ADCY5: variants seen among roughly 807,000 people sequenced by gnomAD.
ADCY5 encodes adenylate cyclase 5.
ADCY5 carries 30 observed loss-of-function variants against 119.7 expected under a neutral mutation model. That is an observed-to-expected ratio of 0.25 (90% CI 0.19 to 0.34). The LOEUF is 0.34. Among genes scored for constraint, ADCY5 ranks in the 10% least tolerant of loss-of-function variants. The probability of loss-of-function intolerance (pLI) is 1.00; values close to 1 mark genes in which losing one functional copy is unlikely to be tolerated. For synonymous variants in ADCY5, 753 were observed against 762.2 expected (o/e 0.99, Z 0.20); for missense variants, 1,324 against 1,775.2 (o/e 0.75, Z 4.57).
intron 1 of ADCY5, among the ~76,000 whole-genome samples, chr3:123,431,304 T>C (rs1945517150): frequency 6.6e-6 from 1 of 152,162 alleles, no homozygotes; most frequent in Non-Finnish European, 1.5e-5. Flanking sequence ...TACTCAACAG[T>C]GAAATATCAT....
rs1938557099 is a variant in ADCY5, at chr3:123,283,950, T to TTTTA, written c.*654_*657dup. Reference sequence around the variant, plus strand: ...AGAAGGGCACGGAGAACTTGTTTTGTTTTATTTAATAAATATTTTTCTCAG... The same window carrying TTTTA: ...AGAAGGGCACGGAGAACTTGTTTTGTTTTATTTATTTAATAAATATTTTTCTCAG... On this transcript the variant is annotated 3_prime_UTR_variant, in exon 21 of 21. Coordinates refer to ENST00000462833, the MANE Select transcript of ADCY5 (RefSeq NM_183357.3). 6.6e-6 allele frequency: 1 copy of TTTTA among 152,014 alleles called. No homozygotes were observed. The highest frequency in any genetic ancestry group is 1.5e-5 in the Non-Finnish European group (1 of 68,078). The allele number at this position is 152,014 out of a possible 1,614,324, so 9.4% of individuals were successfully genotyped here. A position where few individuals can be genotyped will look rare whatever the true frequency, so the allele number is the denominator to read the frequency against.
intron 1 of ADCY5, among the ~76,000 whole-genome samples, chr3:123,421,624 C>T (rs1945304879): frequency 6.6e-6 from 1 of 152,074 alleles, no homozygotes. Flanking sequence ...TAGGCAATGA[C>T]TGGGTGGGAG....
intron 1 of ADCY5, among the ~76,000 whole-genome samples, chr3:123,367,464 A>C (rs1420662089): frequency 2.0e-5 from 3 of 152,174 alleles, no homozygotes; most frequent in African/African-American, 4.8e-5. Flanking sequence ...TTTATCCTCC[A>C]AGTGCAATCA....
chr3:123,361,353 C>T (rs963797155), intron 1 of ADCY5, among the ~76,000 whole-genome samples: 1 of 152,140 alleles, frequency 6.6e-6, no homozygotes, highest in Non-Finnish European at 1.5e-5. Context: ...CCATAAAATG[C>T]ACTCCTTTAA....
At chr3:123,375,903 G>A (rs1391735390) in intron 1 of ADCY5, among the ~76,000 whole-genome samples, 1 of 152,128 alleles carries the variant, frequency 6.6e-6, no homozygotes, top group Non-Finnish European at 1.5e-5. Flanking sequence ...GCACTGTGAG[G>A]AAGGCAGCCC....
In ADCY5 at chr3:123,289,946, G is replaced by A. The variant is rs141922371; in HGVS notation, c.3336C>T (p.Ser1112=). 4.6e-4 allele frequency: 743 copies of A among 1,613,932 alleles called. 1 individual carries two copies. The highest frequency in any genetic ancestry group is 4.7e-4 in the African/African-American group (35 of 74,916). The change falls in exon 19 of 21, where the codon AGC becomes AGT. Residue 1112 remains serine, a synonymous_variant. Coordinates refer to ENST00000462833, the MANE Select transcript of ADCY5 (RefSeq NM_183357.3). The part of the protein sequence containing the change: ...EIIADFDEII[S]EDRFRQLEKI... ...TCTCCAGCTGCCGGAACCGATCCTCGCTGATGATCTGGATGAAGGAGGCCA... is the reference window on the plus strand; with the variant it reads ...TCTCCAGCTGCCGGAACCGATCCTCACTGATGATCTGGATGAAGGAGGCCA...
Position 123,352,733 on chromosome 3 carries a change from G to A in ADCY5, c.1135-152C>T. ...CACACGCGGCCAACCACTGTGAGCA[G>A]CCGAGCATAATCGATCGGGCTCTCT... On this transcript the variant is annotated intron_variant, in intron 1 of 20. Transcript: ENST00000462833. The surrounding 1 kb of genome is among the most constrained non-coding windows in gnomAD (Gnocchi z 4.8). 2 of 909,970 alleles carry A rather than the reference G, an allele frequency of 2.2e-6. No homozygotes were observed. The highest frequency in any genetic ancestry group is 3.7e-5 in the South Asian group (2 of 53,970). The allele number at this position is 909,970 out of a possible 1,614,324, so 56.4% of individuals were successfully genotyped here. A position where few individuals can be genotyped will look rare whatever the true frequency, so the allele number is the denominator to read the frequency against.
intron 3 of ADCY5, among the ~76,000 whole-genome samples, chr3:123,341,192 T>A (rs539415066): frequency 6.6e-6 from 1 of 152,162 alleles, no homozygotes; most frequent in Non-Finnish European, 1.5e-5. Context: ...GAAGCACTAT[T>A]CACAATAGCC....
At position 123,332,566 on chromosome 3, in the gene ADCY5, C is replaced by A. The variant is rs766422564; in HGVS notation, c.1516G>T (p.Ala506Ser). 3 of 1,610,554 alleles carry A rather than the reference C, an allele frequency of 1.9e-6. No individual in the cohort carries two copies. Among genetic ancestry groups the A allele is most frequent in the East Asian group, 4.5e-5 (2 of 44,836 alleles). ...ELFARFDKLA[A>S]ENHCLRIKIL... ...ACCCCCGGCTCAGGGTGACTCACTG[C>A]GGCCAGCTTGTCAAAGCGGGCGAAG... The change falls in exon 4 of 21, where the codon GCA (alanine) becomes TCA (serine). Residue 506 changes from alanine to serine, a missense_variant and splice_region_variant. By Grantham distance (99) the Ala-to-Ser change is moderately conservative (BLOSUM62 1). Around this residue, in one of 6 missense-constraint regions of ADCY5, gnomAD observed 123 missense variants for 287.9 expected, o/e 0.43. Coordinates refer to ENST00000462833, the MANE Select transcript of ADCY5 (RefSeq NM_183357.3).
intron 1 of ADCY5, among the ~76,000 whole-genome samples, chr3:123,443,704 G>C (rs1945762268): frequency 6.6e-6 from 1 of 152,204 alleles, no homozygotes; most frequent in Non-Finnish European, 1.5e-5. Flanking sequence ...GGAAAGACAG[G>C]GTGGGGTGGG....
In ADCY5 at chr3:123,286,842, C is replaced by A; in HGVS notation, c.3533-33G>T. On this transcript the variant is annotated intron_variant, in intron 19 of 20. Transcript: ENST00000462833. This position sits in a 1 kb window ranked among gnomAD's most constrained non-coding sequence, Gnocchi z 4.2. Reference sequence around the variant, plus strand: ...GGACAGGAATCAGCCACAGTCATCACATCTCTGGCTTGACCTTGCCACCAT... The same window carrying A: ...GGACAGGAATCAGCCACAGTCATCAAATCTCTGGCTTGACCTTGCCACCAT... 6.4e-7 allele frequency: 1 copy of A among 1,562,764 alleles called. No homozygotes were observed. The highest frequency in any genetic ancestry group is 8.6e-7 in the Non-Finnish European group (1 of 1,156,642).
chr3:123,323,071 G>C (rs952091613), intron 8 of ADCY5, among the ~76,000 whole-genome samples: 1 of 152,182 alleles, frequency 6.6e-6, no homozygotes, highest in Non-Finnish European at 1.5e-5. Context: ...CCCCAGCCTA[G>C]ATATTCCCAC....
In ADCY5 at chr3:123,339,063, G is replaced by C. The variant is rs568785513; in HGVS notation, c.1407-6388C>G. ...AACTGTGCTGAGTGGTGGATGGTGG[G>C]AAGGGAGTATGGCAAGGTCTCAGCC... On this transcript the variant is annotated intron_variant, in intron 3 of 20. Transcript: ENST00000462833. 2.0e-5 allele frequency among the ~76,000 whole-genome samples: 3 copies of C among 152,344 alleles called. No individual in the cohort carries two copies. In the South Asian group the frequency reaches 6.2e-4, roughly 32 times the overall value.
intron 1 of ADCY5, among the ~76,000 whole-genome samples, chr3:123,376,918 C>T (rs922916342): frequency 1.3e-5 from 2 of 152,182 alleles, no homozygotes; most frequent in African/African-American, 4.8e-5. Flanking sequence ...TCCTGTCATC[C>T]CCTGGGGGAA....
At chr3:123,362,717 TGC>T (rs1943293667) in intron 1 of ADCY5, among the ~76,000 whole-genome samples, 1 of 152,184 alleles carries the variant, frequency 6.6e-6, no homozygotes, top group African/African-American at 2.4e-5. Flanking sequence ...ACATAAACTC[TGC>T]AGGCTCCACA....
At chr3:123,313,108 C>A (rs1049342792) in intron 12 of ADCY5, among the ~76,000 whole-genome samples, 1 of 147,152 alleles carries the variant, frequency 6.8e-6, no homozygotes, top group African/African-American at 2.7e-5. Context: ...GCTTCTCACA[C>A]GTGCCCAATG....
chr3:123,323,912 T>TAC lies in ADCY5; in HGVS notation c.2088+1408_2088+1409dup, dbSNP rs1209597979. The stretch of plus-strand genomic sequence containing the variant: ...CTCTTGACTGCCCTGATCATGTGGG[T>TAC]ACAGAGTCTGCAGGAGACTATCAAA... On this transcript the variant is annotated intron_variant, in intron 8 of 20. Transcript: ENST00000462833. 2.0e-5 allele frequency among the ~76,000 whole-genome samples: 3 copies of TAC among 152,134 alleles called. No homozygotes were observed. The East Asian group carries it at 5.8e-4, about 30-fold the overall frequency.
chr3:123,303,968 A>G, intron 13 of ADCY5, 99 bp downstream of exon 13: 1 of 841,844 alleles, frequency 1.2e-6, no homozygotes, highest in Non-Finnish European at 2.0e-6. Flanking sequence ...AAGAACTTCC[A>G]GGGAAAGTCT....
chr3:123,380,909 A>G (rs777362952), intron 1 of ADCY5, among the ~76,000 whole-genome samples: 1 of 152,186 alleles, frequency 6.6e-6, no homozygotes, highest in African/African-American at 2.4e-5. Flanking sequence ...ATCAGGGTTA[A>G]TGACAGGTCA....
Sources: gnomAD v4.1 joint callset for allele counts (sites outside exome capture counted in the v4.1 genomes callset) on GRCh38, gnomAD v4.1.1 for gene constraint, gnomAD v4.1.1 regional missense constraint, Gnocchi (gnomAD v3.1) non-coding constraint, MANE v1.5 for transcripts, NCBI Gene and HGNC (gene_info 2026-07-23, HGNC 2026-07-21) for gene names.